DPP10: variants seen among roughly 807,000 people sequenced by gnomAD.
DPP10 encodes inactive dipeptidyl peptidase 10.
Under a neutral mutation model 120.9 loss-of-function variants are expected in DPP10, and 33 were observed. The observed-to-expected ratio is 0.27, with a 90% CI of 0.21 to 0.37. The LOEUF (loss-of-function observed/expected upper bound fraction) is 0.37, where lower values mean the gene tolerates loss of function less well. Ranked by LOEUF, DPP10 falls within the 10% of genes least tolerant of loss-of-function variation. DPP10 has a pLI of 1.00. For synonymous variants in DPP10, 337 were observed against 326.1 expected, an observed-to-expected ratio of 1.03 and a Z score of -0.36; for missense variants, 816 against 942.8, an observed-to-expected ratio of 0.87 and a Z score of 1.76.
chr2:114,547,922 C>T (rs186107445), intron 1 of DPP10, among the ~76,000 whole-genome samples: 16 of 152,206 alleles, frequency 1.1e-4, no homozygotes, highest in South Asian at 1.0e-3. Flanking sequence ...TTGCATTCAC[C>T]GACTTTTCTC....
At chr2:115,573,276 A>ATTTTTT (rs34420249) in intron 5 of DPP10, among the ~76,000 whole-genome samples, 1 of 86,528 alleles carries the variant, frequency 1.2e-5, no homozygotes, top group Admixed American at 1.3e-4. Flanking sequence ...GCTTCCTGGG[A>ATTTTTT]TTTTTTTTTT....
intron 2 of DPP10, among the ~76,000 whole-genome samples, chr2:115,335,685 A>T (rs1473525883): frequency 1.3e-5 from 2 of 152,134 alleles, no homozygotes; most frequent in African/African-American, 2.4e-5. Flanking sequence ...TGTGATTTGC[A>T]TTCTGTAGTT....
chr2:115,087,103 AATG>A (rs1301233666), intron 1 of DPP10, among the ~76,000 whole-genome samples: 1 of 152,200 alleles, frequency 6.6e-6, no homozygotes, highest in Non-Finnish European at 1.5e-5. Flanking sequence ...CGTATTCTTT[AATG>A]TGTTTTTATT....
intron 1 of DPP10, among the ~76,000 whole-genome samples, chr2:114,965,881 G>T (rs1698976214): frequency 7.0e-6 from 1 of 142,172 alleles, no homozygotes; most frequent in Non-Finnish European, 1.5e-5. Flanking sequence ...CAGGAGAATG[G>T]CATGAACCCG....
At chr2:115,295,145 T>G (rs1011901870) in intron 1 of DPP10, among the ~76,000 whole-genome samples, 1 of 152,108 alleles carries the variant, frequency 6.6e-6, no homozygotes, top group African/African-American at 2.4e-5. Context: ...CTGCAGATAC[T>G]GGCTGCTCTA....
chr2:115,596,212 C>T (rs2082978561), intron 5 of DPP10, among the ~76,000 whole-genome samples: 1 of 152,124 alleles, frequency 6.6e-6, no homozygotes, highest in African/African-American at 2.4e-5. Context: ...AAACACCTAG[C>T]AAAGGCAGTA....
At chr2:115,453,504 A>G (rs1445795429) in intron 3 of DPP10, among the ~76,000 whole-genome samples, 1 of 151,552 alleles carries the variant, frequency 6.6e-6, no homozygotes, top group Non-Finnish European at 1.5e-5. Flanking sequence ...TACACAAATA[A>G]ATTTGGGAAA....
intron 12 of DPP10, among the ~76,000 whole-genome samples, chr2:115,764,125 GA>G (rs1344385846): frequency 1.1e-4 from 16 of 149,890 alleles, no homozygotes; most frequent in African/African-American, 3.6e-4. Context: ...TTATTGCTAT[GA>G]TTTTTTTTTT....
chr2:114,982,688 C>T (rs970456441), intron 1 of DPP10, among the ~76,000 whole-genome samples: 4 of 151,788 alleles, frequency 2.6e-5, no homozygotes, highest in African/African-American at 7.3e-5. Flanking sequence ...GCAGCCTCTA[C>T]GTCCCAGGCT....
In DPP10 at chr2:114,932,541, C is replaced by T. The variant is rs201489312; in HGVS notation, c.61-376698C>T. On this transcript the variant is annotated intron_variant, in intron 1 of 25. Transcript: ENST00000410059. ...GACAATATTTTGAGTAAAAGAAACA[C>T]GACACAAAAGAATATGTATGTTCTA... 1.1e-4 allele frequency among the ~76,000 whole-genome samples: 16 copies of T among 152,156 alleles called. No individual in the cohort carries two copies. In the East Asian group the frequency reaches 1.9e-3, roughly 18 times the overall value.
intron 11 of DPP10, among the ~76,000 whole-genome samples, chr2:115,760,251 C>T (rs1013864972): frequency 3.9e-5 from 6 of 152,164 alleles, no homozygotes; most frequent in Non-Finnish European, 8.8e-5. Context: ...AAACAAAATA[C>T]TGATACGCTC....
rs554942033 is a variant in DPP10 at position 114,761,593 on chromosome 2, C to T, written c.60+318755C>T. ...ACCTAGACCCCTTTGTGCACAGCAT[C>T]CTTTGGGTCCTCTGCATATCACCCC... is the stretch of plus-strand genomic sequence containing the variant. On this transcript the variant is annotated intron_variant, in intron 1 of 25. Transcript: ENST00000410059. Among the ~76,000 whole-genome samples, 47 of 152,298 alleles carry T rather than the reference C, an allele frequency of 3.1e-4. 1 individual carries two copies. Among genetic ancestry groups the T allele is most frequent in the African/African-American group, 1.1e-3 (46 of 41,564 alleles).
intron 1 of DPP10, among the ~76,000 whole-genome samples, chr2:115,162,536 G>A (rs1475893746): frequency 2.0e-5 from 3 of 152,146 alleles, no homozygotes; most frequent in Admixed American, 6.5e-5. Context: ...TGAGGAGACG[G>A]GTGTGTGTTT....
intron 1 of DPP10, among the ~76,000 whole-genome samples, chr2:114,476,229 A>T (rs1680360633): frequency 6.6e-6 from 1 of 152,196 alleles, no homozygotes; most frequent in African/African-American, 2.4e-5. Context: ...CTATTCATTT[A>T]TCATTCTTAA....
intron 5 of DPP10, among the ~76,000 whole-genome samples, chr2:115,604,122 G>A (rs1464222713): frequency 6.7e-6 from 1 of 150,002 alleles, no homozygotes; most frequent in East Asian, 2.0e-4. Context: ...GGTAGCTTTT[G>A]AGACAGTGCT....
intron 5 of DPP10, among the ~76,000 whole-genome samples, chr2:115,596,009 T>C (rs974700511): frequency 2.0e-5 from 3 of 152,140 alleles, no homozygotes; most frequent in Admixed American, 1.3e-4. Context: ...AATTATGTAT[T>C]AGATTCAGAG....
intron 1 of DPP10, among the ~76,000 whole-genome samples, chr2:114,715,510 A>C (rs1459817755): frequency 6.6e-6 from 1 of 152,132 alleles, no homozygotes; most frequent in African/African-American, 2.4e-5. Flanking sequence ...TTCTAGGAAA[A>C]AATTCTAAGA....
chr2:115,818,874 A>G (rs1378032245), intron 21 of DPP10, among the ~76,000 whole-genome samples: 7 of 152,040 alleles, frequency 4.6e-5, no homozygotes, highest in South Asian at 2.1e-4. Flanking sequence ...GACATAGGAT[A>G]CAAACAAGTA....
At chr2:114,652,809 G>A (rs1696689495) in intron 1 of DPP10, among the ~76,000 whole-genome samples, 1 of 152,222 alleles carries the variant, frequency 6.6e-6, no homozygotes, top group East Asian at 1.9e-4. Flanking sequence ...TAGAGCTTGT[G>A]TTCAGGTTGG....
Sources: gnomAD v4.1 joint callset for allele counts (sites outside exome capture counted in the v4.1 genomes callset) on GRCh38, gnomAD v4.1.1 for gene constraint, MANE v1.5 for transcripts, NCBI Gene and HGNC (gene_info 2026-07-23, HGNC 2026-07-21) for gene names.